Variants in METTL14 observed in about 807,000 individuals in gnomAD.
The protein encoded by METTL14 is N(6)-adenosine-methyltransferase non-catalytic subunit METTL14.
In METTL14, 32 loss-of-function variants were observed where a neutral mutation model predicts 62.4. The ratio of observed to expected loss-of-function variants is 0.51; its 90% CI spans 0.39 to 0.69. METTL14 has a LOEUF of 0.69. Ranked by LOEUF, METTL14 falls within the 30% of genes least tolerant of loss-of-function variation. METTL14 has a pLI of 0.00. For missense variants in METTL14, 340 were observed against 551.9 expected (o/e 0.62, Z 3.85); for synonymous variants, 150 against 180.0 (o/e 0.83, Z 1.34).
Position 118,703,958 on chromosome 4 carries a change from A to G in METTL14, c.762A>G (p.Arg254=). ...GRVCLRKWGY[R]RCEDICWIKT... is the part of the protein sequence containing the mutation. ...AGTGTTTACGAAAATGGGGTTACAG[A>G]AGATGTGAAGATATTTGTTGGATTA... is the stretch of plus-strand genomic sequence containing the variant. The change falls in exon 9 of 11, where the codon AGA becomes AGG. Residue 254 remains arginine (R), a synonymous_variant. Transcript: ENST00000388822. 6.4e-7 allele frequency: 1 copy of G among 1,574,744 alleles called. No homozygotes were observed. Among genetic ancestry groups the G allele is most frequent in the Non-Finnish European group, 8.6e-7 (1 of 1,167,568 alleles).
At chr4:118,689,694 G>T (rs572082095) in intron 3 of METTL14, among the ~76,000 whole-genome samples, 49 of 150,322 alleles carry the variant, frequency 3.3e-4, no homozygotes, top group Middle Eastern at 6.8e-3. Context: ...CCAGGCTGGA[G>T]TGTAATGGCA....
Position 118,694,458 on chromosome 4 carries a change from A to G in METTL14, c.435A>G (p.Glu145=). The part of the protein sequence containing the change: ...RDVGLADRFE[E]YPKLRELIRL... ...CAGGTTTAGCTGACAGATTTGAAGA[A>G]TATCCTAAACTGAGGGAGCTCATCA... Residue 145 remains glutamate, a synonymous_variant, in exon 6 of 11, where the codon GAA becomes GAG. Transcript: ENST00000388822. The G allele has an allele frequency of 6.2e-7, 1 of 1,613,168 alleles. No homozygotes were observed. Among genetic ancestry groups the G allele is most frequent in the Non-Finnish European group, 8.5e-7 (1 of 1,179,630 alleles).
intron 5 of METTL14, among the ~76,000 whole-genome samples, chr4:118,693,023 A>G (rs993028403): frequency 2.6e-5 from 4 of 152,194 alleles, no homozygotes; most frequent in African/African-American, 9.6e-5. Flanking sequence ...TTAAATTGCC[A>G]AGTAATATGC....
At position 118,691,903 on chromosome 4, in the gene METTL14, G is replaced by T. The variant is rs1461611944; in HGVS notation, c.325-78G>T. The T allele has an allele frequency of 8.8e-6, 8 of 907,850 alleles. No homozygotes were observed. The South Asian group carries it at 1.1e-4, about 12-fold the overall frequency. The allele number at this position is 907,850 out of a possible 1,614,324, so 56.2% of individuals were successfully genotyped here. A position where few individuals can be genotyped will look rare whatever the true frequency, so the allele number is the denominator to read the frequency against. ...AATTGATTGCATTTTATATCACCTT[G>T]TAATAGAAAACAGTACAGAGATAAT... On this transcript the variant is annotated intron_variant, in intron 4 of 10. Transcript: ENST00000388822.
intron 6 of METTL14, 63 bp downstream of exon 6, chr4:118,694,589 T>C (rs1724350348): frequency 3.3e-6 from 4 of 1,201,822 alleles, no homozygotes; most frequent in South Asian, 1.3e-5. Context: ...AGTTTGTTTA[T>C]CCTATAACCT....
chr4:118,689,078 C>T lies in METTL14; in HGVS notation c.156-292C>T, dbSNP rs544172180. Among the ~76,000 whole-genome samples, 31 of 152,214 alleles carry T rather than the reference C, an allele frequency of 2.0e-4. No homozygotes were observed. The South Asian group carries it at 4.1e-3, about 20-fold the overall frequency. On this transcript the variant is annotated intron_variant, in intron 2 of 10. Coordinates refer to ENST00000388822, the MANE Select transcript of METTL14 (RefSeq NM_020961.4). Reference sequence around the variant, plus strand: ...TCGCTATTCTAGTTTTCAATTTGTACGTCTGTTTTGCTCAAAACAGATTAA... The same window carrying T: ...TCGCTATTCTAGTTTTCAATTTGTATGTCTGTTTTGCTCAAAACAGATTAA...
Position 118,710,217 on chromosome 4 carries a change from GA to G in METTL14, c.1289del (p.Asn430IlefsTer30). 6.2e-7 allele frequency: 1 copy of G among 1,614,232 alleles called. No individual in the cohort carries two copies. Among genetic ancestry groups the G allele is most frequent in the East Asian group, 2.2e-5 (1 of 44,878 alleles). ...ACTTCTGCTGGCCGTGGACGAGAAA[GA>G]AATAGATCTAACTTCCGAGGAGAAA... is the stretch of plus-strand genomic sequence containing the variant. ...GGTSAGRGRERNRSNFRGERG... is the reference protein window; with the variant it reads ...GGTSAGRGREXNRSNFRGERG... On this transcript the variant is annotated frameshift_variant, in exon 11 of 11. Coordinates refer to ENST00000388822, the MANE Select transcript of METTL14 (RefSeq NM_020961.4). LOFTEE classifies it high-confidence loss of function.
chr4:118,698,169 A>G (rs1724474156), intron 7 of METTL14, among the ~76,000 whole-genome samples: 1 of 152,012 alleles, frequency 6.6e-6, no homozygotes, highest in African/African-American at 2.4e-5. Context: ...AATTCTGGAA[A>G]AATGGCCAGG....
In METTL14 at chr4:118,705,795, T is replaced by G; in HGVS notation, c.1040T>G (p.Phe347Cys). 6.2e-7 allele frequency: 1 copy of G among 1,613,954 alleles called. No homozygotes were observed. Among genetic ancestry groups the G allele is most frequent in the South Asian group, 1.1e-5 (1 of 91,074 alleles). Residue 347 changes from phenylalanine to cysteine, a missense_variant, in exon 10 of 11, where the codon TTT (phenylalanine) becomes TGT (cysteine). Transcript: ENST00000388822. ...FCLGRRRLHL[F>C]GRDSTIRPGW... is the part of the protein sequence containing the mutation. Reference sequence around the variant, plus strand: ...CTTGGTAGAAGACGCCTTCATCTATTTGGAAGAGATAGTACAATTCGACCA... The same window carrying G: ...CTTGGTAGAAGACGCCTTCATCTATGTGGAAGAGATAGTACAATTCGACCA...
Position 118,711,159 on chromosome 4 carries a change from A to G in METTL14, c.*857A>G, listed in dbSNP as rs1724908231. On this transcript the variant is annotated 3_prime_UTR_variant, in exon 11 of 11. Coordinates refer to ENST00000388822, the MANE Select transcript of METTL14 (RefSeq NM_020961.4). ...TGGGACTAAAATACTTGGTGATGAAATGACATACACCTTTAAACTTGTTAT... is the reference window on the plus strand; with the variant it reads ...TGGGACTAAAATACTTGGTGATGAAGTGACATACACCTTTAAACTTGTTAT... The G allele has an allele frequency of 6.6e-6, 1 of 152,240 alleles. No individual in the cohort carries two copies. Among genetic ancestry groups the G allele is most frequent in the Non-Finnish European group, 1.5e-5 (1 of 68,052 alleles). The allele number at this position is 152,240 out of a possible 1,614,324, so 9.4% of individuals were successfully genotyped here.
chr4:118,696,947 G>A (rs1055172331), intron 6 of METTL14, among the ~76,000 whole-genome samples: 1 of 151,978 alleles, frequency 6.6e-6, no homozygotes, highest in Non-Finnish European at 1.5e-5. Flanking sequence ...GTTTAATTAC[G>A]TTCATGTCTT....
chr4:118,703,525 AT>A (rs1353585334), intron 8 of METTL14, among the ~76,000 whole-genome samples: 1 of 152,252 alleles, frequency 6.6e-6, no homozygotes, highest in Non-Finnish European at 1.5e-5. Flanking sequence ...AAAATTTTCA[AT>A]AGTATGTAGC....
chr4:118,707,326 G>A (rs115706377), intron 10 of METTL14, among the ~76,000 whole-genome samples: 6,038 of 151,842 alleles, frequency 0.04, 176 homozygotes, highest in Non-Finnish European at 0.062. Context: ...TTGGGAGTTA[G>A]CCATATAAAT....
chr4:118,694,515 C>T lies in METTL14; in HGVS notation c.492C>T (p.Asn164=), dbSNP rs1724347286. The change falls in exon 6 of 11, where the codon AAC becomes AAT. Residue 164 remains asparagine (N), a synonymous_variant. Transcript: ENST00000388822. The stretch of plus-strand genomic sequence containing the variant: ...AGGATGAGTTAATAGCTAAATCTAA[C>T]ACTCCTCCCATGTAAGTGTTTTTAT... ...RLKDELIAKS[N]TPPMYLQADI... The T allele has an allele frequency of 6.2e-7, 1 of 1,609,938 alleles. No homozygotes were observed.
At chr4:118,691,956 A>G (rs753238613) in intron 4 of METTL14, 25 bp from the exon 5 acceptor site, 3 of 1,498,652 alleles carry the variant, frequency 2.0e-6, no homozygotes, top group Non-Finnish European at 2.8e-6. Flanking sequence ...GCATGTTACA[A>G]ATTTAATTTT....
At chr4:118,686,699 T>C (rs1323463592) in intron 1 of METTL14, 1 of 453,534 alleles carries the variant, frequency 2.2e-6, no homozygotes, top group African/African-American at 2.0e-5. Context: ...TCTTCAAAAA[T>C]GTTAAGTAGC....
chr4:118,703,873 T>C (rs1178970672), intron 8 of METTL14, 62 bp from the exon 9 acceptor site: 13 of 917,630 alleles, frequency 1.4e-5, no homozygotes, highest in South Asian at 3.6e-5. Context: ...CTGGTTGTTA[T>C]TGTTAAGTAT....
rs1341904014 is a variant in METTL14, at chr4:118,713,437, T to A, written c.*3135T>A. The A allele has an allele frequency of 6.6e-6, 1 of 152,240 alleles. No individual in the cohort carries two copies. Among genetic ancestry groups the A allele is most frequent in the Non-Finnish European group, 1.5e-5 (1 of 68,030 alleles). 9.4% of individuals were successfully genotyped at this position (152,240 alleles called of 1,614,324 possible). On this transcript the variant is annotated 3_prime_UTR_variant, in exon 11 of 11. Transcript: ENST00000388822. ...GCTTAATTTAAAACCTGTACTGTTT[T>A]CATCCTGAATTTAGAACATAAGATT...
chr4:118,694,804 T>C (rs1724358901), intron 6 of METTL14, among the ~76,000 whole-genome samples: 1 of 152,082 alleles, frequency 6.6e-6, no homozygotes, highest in South Asian at 2.1e-4. Context: ...TTCTTTCTTT[T>C]TTTGTTTTGA....
Sources: allele counts gnomAD v4.1 joint callset (sites outside exome capture counted in the v4.1 genomes callset), GRCh38; gene constraint gnomAD v4.1.1; transcripts MANE v1.5; gene names NCBI Gene and HGNC (gene_info 2026-07-23, HGNC 2026-07-21).